The following NKAIN2 variants were observed in gnomAD, a reference collection of about 807,000 sequenced individuals.
NKAIN2 encodes sodium/potassium transporting ATPase interacting 2, also known as sodium/potassium-transporting ATPase subunit beta-1-interacting protein 2.
A neutral mutation model predicts 32.6 loss-of-function variants in NKAIN2; 14 were observed. That is an observed-to-expected ratio of 0.43 (90% CI 0.28 to 0.67). The LOEUF is 0.67. NKAIN2 is among the 30% of genes least tolerant of loss of function. The pLI is 0.17. For synonymous variants in NKAIN2, 80 were observed against 87.2 expected (o/e 0.92, Z 0.46); for missense variants, 198 against 258.3 (o/e 0.77, Z 1.60).
At chr6:123,876,440 G>A (rs7742731) in intron 1 of NKAIN2, among the ~76,000 whole-genome samples, 42,048 of 151,814 alleles carry the variant, frequency 0.28, 6,284 homozygotes, top group Non-Finnish European at 0.33. Context: ...ATACACAAAC[G>A]GTCATATATA....
intron 5 of NKAIN2, among the ~76,000 whole-genome samples, chr6:124,812,092 A>G (rs1380189298): frequency 6.6e-6 from 1 of 152,112 alleles, no homozygotes; most frequent in Non-Finnish European, 1.5e-5. Flanking sequence ...GTCTCACTGG[A>G]GTCCTTTTGA....
intron 2 of NKAIN2, among the ~76,000 whole-genome samples, chr6:124,307,162 A>G (rs1188824817): frequency 1.3e-5 from 2 of 152,172 alleles, no homozygotes; most frequent in Admixed American, 1.3e-4. Context: ...GAATGAAATT[A>G]TTTCTCTGAT....
At chr6:124,117,997 C>A (rs1785698551) in intron 1 of NKAIN2, among the ~76,000 whole-genome samples, 1 of 151,646 alleles carries the variant, frequency 6.6e-6, no homozygotes, top group African/African-American at 2.4e-5. Flanking sequence ...CAAGATACAG[C>A]CCTGTAGATA....
At chr6:123,817,001 A>C (rs1773720629) in intron 1 of NKAIN2, among the ~76,000 whole-genome samples, 1 of 152,062 alleles carries the variant, frequency 6.6e-6, no homozygotes, top group Non-Finnish European at 1.5e-5. Flanking sequence ...AGGAGAGAAA[A>C]AGATTGTTCT....
chr6:124,656,509 G>A (rs781484), intron 3 of NKAIN2, among the ~76,000 whole-genome samples: 69,091 of 151,688 alleles, frequency 0.46, 15,970 homozygotes, highest in Middle Eastern at 0.51. Flanking sequence ...AGATATCTAG[G>A]CTAACAGAAT....
chr6:124,229,616 T>G (rs1370903640), intron 1 of NKAIN2, among the ~76,000 whole-genome samples: 2 of 152,172 alleles, frequency 1.3e-5, no homozygotes, highest in African/African-American at 4.8e-5. Context: ...ACTTCCTTAA[T>G]TCCCATATGT....
intron 1 of NKAIN2, among the ~76,000 whole-genome samples, chr6:124,144,844 T>G (rs1380106480): frequency 1.3e-5 from 2 of 152,040 alleles, no homozygotes; most frequent in African/African-American, 4.8e-5. Flanking sequence ...AGACAAGCTA[T>G]GGACTAGGAG....
chr6:124,143,733 G>T (rs1048893301), intron 1 of NKAIN2, among the ~76,000 whole-genome samples: 86 of 151,874 alleles, frequency 5.7e-4, no homozygotes, highest in African/African-American at 1.7e-3. Context: ...TGGAAAGTAG[G>T]AAATAAAACT....
chr6:124,444,955 GC>G (rs1349534371), intron 3 of NKAIN2, among the ~76,000 whole-genome samples: 1 of 151,772 alleles, frequency 6.6e-6, no homozygotes. Context: ...TGGAAAATCT[GC>G]AACTCTTCAT....
intron 5 of NKAIN2, among the ~76,000 whole-genome samples, chr6:124,816,234 A>G (rs1781157755): frequency 1.3e-5 from 2 of 152,196 alleles, no homozygotes; most frequent in African/African-American, 4.8e-5. Flanking sequence ...TGTAGAAGGC[A>G]AAATTATAAA....
intron 3 of NKAIN2, among the ~76,000 whole-genome samples, chr6:124,608,189 G>T (rs770713359): frequency 6.6e-6 from 1 of 152,026 alleles, no homozygotes; most frequent in African/African-American, 2.4e-5. Context: ...AAACTTTTTG[G>T]CTTTACCATT....
At chr6:123,960,915 T>G (rs929250354) in intron 1 of NKAIN2, among the ~76,000 whole-genome samples, 4 of 152,028 alleles carry the variant, frequency 2.6e-5, no homozygotes, top group African/African-American at 9.7e-5. Context: ...TGCAAGTTCT[T>G]CTGGAGTCAG....
chr6:124,188,222 G>C (rs1487792158), intron 1 of NKAIN2, among the ~76,000 whole-genome samples: 1 of 152,152 alleles, frequency 6.6e-6, no homozygotes, highest in Non-Finnish European at 1.5e-5. Context: ...AGTAAATTCA[G>C]TAGGAAATAT....
intron 1 of NKAIN2, among the ~76,000 whole-genome samples, chr6:124,204,191 G>T (rs1165601051): frequency 1.3e-5 from 2 of 151,816 alleles, no homozygotes; most frequent in Non-Finnish European, 2.9e-5. Context: ...ACTAATGTTT[G>T]TATCAAGATA....
At chr6:124,593,697 A>C (rs1207861596) in intron 3 of NKAIN2, among the ~76,000 whole-genome samples, 1 of 152,192 alleles carries the variant, frequency 6.6e-6, no homozygotes, top group Non-Finnish European at 1.5e-5. Flanking sequence ...TCAGATTTGA[A>C]TTTCCGATCA....
intron 3 of NKAIN2, among the ~76,000 whole-genome samples, chr6:124,454,571 A>T (rs1169669519): frequency 6.6e-6 from 1 of 152,092 alleles, no homozygotes; most frequent in Non-Finnish European, 1.5e-5. Flanking sequence ...ATGTGAGCAA[A>T]GATGAAAGGT....
rs150585132 is a variant in NKAIN2 at position 124,256,004 on chromosome 6, T to C, written c.55-27001T>C. 3.4e-3 allele frequency among the ~76,000 whole-genome samples: 516 copies of C among 152,246 alleles called. 1 individual carries two copies. Among genetic ancestry groups the C allele is most frequent in the Non-Finnish European group, 5.7e-3 (387 of 68,016 alleles). On this transcript the variant is annotated intron_variant, in intron 1 of 6. Coordinates refer to ENST00000368417, the MANE Select transcript of NKAIN2 (RefSeq NM_001040214.3). The stretch of plus-strand genomic sequence containing the variant: ...TTGAAGCTCCTCTCCACTGAACAAA[T>C]AGATATGGGAAAGAAAGTTGATTTT...
intron 3 of NKAIN2, among the ~76,000 whole-genome samples, chr6:124,514,083 T>C (rs1033408180): frequency 5.9e-5 from 9 of 152,098 alleles, no homozygotes; most frequent in African/African-American, 2.2e-4. Flanking sequence ...AGGACTAAAT[T>C]TCCCTCTAGC....
At chr6:124,809,133 T>A (rs1478589672) in intron 5 of NKAIN2, among the ~76,000 whole-genome samples, 1 of 152,106 alleles carries the variant, frequency 6.6e-6, no homozygotes, top group Non-Finnish European at 1.5e-5. Flanking sequence ...AAAAAAATAC[T>A]TTAAAGTTCA....
Sources: gnomAD v4.1 joint callset for allele counts (sites outside exome capture counted in the v4.1 genomes callset) on GRCh38, gnomAD v4.1.1 for gene constraint, MANE v1.5 for transcripts, NCBI Gene and HGNC (gene_info 2026-07-23, HGNC 2026-07-21) for gene names.